Variants in ASPH observed in about 807,000 individuals in gnomAD.
The protein encoded by ASPH is aspartyl/asparaginyl beta-hydroxylase.
ASPH carries 100 observed loss-of-function variants against 118.4 expected under a neutral mutation model. That is an observed-to-expected ratio of 0.84 (90% CI 0.72 to 1.00). The LOEUF (loss-of-function observed/expected upper bound fraction) is 1.00. Among genes scored for constraint, ASPH ranks in the 50% least tolerant of loss-of-function variants. The pLI is 0.00. For synonymous variants in ASPH, 315 were observed against 325.6 expected (o/e 0.97, Z 0.35); for missense variants, 920 against 919.5 (o/e 1.00, Z -0.01).
chr8:61,641,354 GA>G (rs1805041870), intron 10 of ASPH, among the ~76,000 whole-genome samples: 1 of 152,042 alleles, frequency 6.6e-6, no homozygotes, highest in Non-Finnish European at 1.5e-5. Flanking sequence ...ATGATCAGTA[GA>G]AATGAGGAAA....
intron 24 of ASPH, among the ~76,000 whole-genome samples, chr8:61,514,639 G>T (rs903958030): frequency 4.6e-5 from 7 of 152,070 alleles, no homozygotes; most frequent in Non-Finnish European, 1.0e-4. Context: ...AACCTGGGAG[G>T]CAGAGCTTGC....
intron 14 of ASPH, among the ~76,000 whole-genome samples, chr8:61,613,568 C>A (rs1429662863): frequency 6.6e-6 from 1 of 152,122 alleles, no homozygotes; most frequent in Non-Finnish European, 1.5e-5. Flanking sequence ...AATAAAAAAT[C>A]TGTAAGCACA....
In ASPH at chr8:61,644,627, C is replaced by A; in HGVS notation, c.625G>T (p.Glu209Ter). The A allele has an allele frequency of 6.3e-7, 1 of 1,583,690 alleles. No homozygotes were observed. The highest frequency in any genetic ancestry group is 8.6e-7 in the Non-Finnish European group (1 of 1,165,360). The change falls in exon 7 of 25, where the codon GAG (glutamate) becomes TAG (stop). Residue 209 changes from glutamate (E) to a stop codon, truncating the protein, a stop_gained. Coordinates refer to ENST00000379454, the MANE Select transcript of ASPH (RefSeq NM_004318.4). LOFTEE classifies it high-confidence loss of function. ...LEPEVSHEETEHSYHVEETVS... is the reference protein window; with the variant it reads ...LEPEVSHEET ...GTCTCTTCCACGTGGTAACTATGCTCGGTTTCTGGAAAAAAAAAAATTAGA... is the reference window on the plus strand; with the variant it reads ...GTCTCTTCCACGTGGTAACTATGCTAGGTTTCTGGAAAAAAAAAAATTAGA...
At chr8:61,569,244 G>A (rs1832739812) in intron 16 of ASPH, among the ~76,000 whole-genome samples, 1 of 152,170 alleles carries the variant, frequency 6.6e-6, no homozygotes, top group Non-Finnish European at 1.5e-5. Context: ...ACTGGAGTCA[G>A]GAAGAGAGAG....
At chr8:61,649,498 T>C (rs189195151) in intron 5 of ASPH, among the ~76,000 whole-genome samples, 2 of 152,252 alleles carry the variant, frequency 1.3e-5, no homozygotes, top group African/African-American at 4.8e-5. Flanking sequence ...TGCAGCTATA[T>C]ATTTAAAAGT....
At chr8:61,594,963 A>G (rs1842129523) in intron 14 of ASPH, among the ~76,000 whole-genome samples, 1 of 152,120 alleles carries the variant, frequency 6.6e-6, no homozygotes, top group East Asian at 1.9e-4. Context: ...TCTATGTTTG[A>G]CCGATGTTTG....
chr8:61,516,603 A>G (rs181774911), intron 24 of ASPH, among the ~76,000 whole-genome samples: 4 of 152,326 alleles, frequency 2.6e-5, no homozygotes, highest in East Asian at 1.9e-4. Flanking sequence ...TGCTATGGAG[A>G]TAAGGGTAAT....
At chr8:61,579,203 G>C in intron 15 of ASPH, 1 of 1,613,236 alleles carries the variant, frequency 6.2e-7, no homozygotes, top group Non-Finnish European at 8.5e-7. Flanking sequence ...AAGGCCAGAG[G>C]GCTTCCCTGG....
chr8:61,535,085 C>T (rs1316637982), intron 21 of ASPH, among the ~76,000 whole-genome samples: 2 of 152,184 alleles, frequency 1.3e-5, no homozygotes, highest in African/African-American at 4.8e-5. Flanking sequence ...GACTACGGTC[C>T]ACCCTAATGG....
intron 10 of ASPH, among the ~76,000 whole-genome samples, chr8:61,638,739 C>G (rs1859054603): frequency 6.6e-6 from 1 of 152,162 alleles, no homozygotes; most frequent in African/African-American, 2.4e-5. Context: ...AACCTGGGGC[C>G]AAACACCTCT....
intron 14 of ASPH, among the ~76,000 whole-genome samples, chr8:61,611,263 A>T (rs1010583502): frequency 6.6e-6 from 1 of 152,210 alleles, no homozygotes; most frequent in African/African-American, 2.4e-5. Flanking sequence ...TGCTATATGG[A>T]CACAGCTTCT....
chr8:61,511,657 T>C lies in ASPH; in HGVS notation c.2126+5871A>G, dbSNP rs932774540. 3.9e-5 allele frequency among the ~76,000 whole-genome samples: 6 copies of C among 152,170 alleles called. No individual in the cohort carries two copies. In the East Asian group the frequency reaches 1.2e-3, roughly 29 times the overall value. ...TCACTCTTGTCACCCAGGCTGGAGT[T>C]CAATGGTGTGATCTCAGCTCACTGC... On this transcript the variant is annotated intron_variant, in intron 24 of 24. Transcript: ENST00000379454.
intron 22 of ASPH, among the ~76,000 whole-genome samples, chr8:61,524,946 A>G (rs1814691271): frequency 6.6e-6 from 1 of 152,182 alleles, no homozygotes; most frequent in Admixed American, 6.5e-5. Flanking sequence ...GTAAATTAGC[A>G]TATTGCCCAA....
intron 3 of ASPH, chr8:61,665,564 T>G: frequency 6.3e-7 from 1 of 1,594,934 alleles, no homozygotes; most frequent in South Asian, 1.1e-5. Flanking sequence ...TGACTCAGGT[T>G]TCTCTTTCTC....
rs1026293233 is a variant in ASPH at position 61,666,693 on chromosome 8, T to C, written c.323-13033A>G. Reference sequence around the variant, plus strand: ...AAAACACCACATAGGGTTTCTCCATTAACTGAATTTCCTGGTGATCAACCA... The same window carrying C: ...AAAACACCACATAGGGTTTCTCCATCAACTGAATTTCCTGGTGATCAACCA... On this transcript the variant is annotated intron_variant, in intron 3 of 24. Coordinates refer to ENST00000379454, the MANE Select transcript of ASPH (RefSeq NM_004318.4). Among the ~76,000 whole-genome samples the C allele has an allele frequency of 7.9e-5, 12 of 152,178 alleles. No homozygotes were observed. In the East Asian group the frequency reaches 2.3e-3, roughly 29 times the overall value.
intron 13 of ASPH, among the ~76,000 whole-genome samples, chr8:61,630,312 A>G (rs1237177846): frequency 1.3e-5 from 2 of 152,172 alleles, no homozygotes; most frequent in Non-Finnish European, 2.9e-5. Flanking sequence ...AATTTTAAAG[A>G]TTGAAAAATG....
Position 61,568,775 on chromosome 8 carries a change from A to G in ASPH, c.1150-1457T>C, listed in dbSNP as rs139686951. On this transcript the variant is annotated intron_variant, in intron 16 of 24. Coordinates refer to ENST00000379454, the MANE Select transcript of ASPH (RefSeq NM_004318.4). ...TTAGAGATCAGGATAACAAGGGAGG[A>G]GCAGCAAAAAGGAGGGAGCACCACA... Among the ~76,000 whole-genome samples the G allele has an allele frequency of 4.4e-3, 667 of 152,306 alleles. 9 individuals carry two copies. The highest frequency in any genetic ancestry group is 0.015 in the Admixed American group (224 of 15,300).
chr8:61,664,328 GAAAA>G (rs978820911), intron 3 of ASPH: 20 of 972,710 alleles, frequency 2.1e-5, no homozygotes, highest in East Asian at 2.3e-4. Flanking sequence ...CAAAATAATG[GAAAA>G]AAAGTGTGAT....
chr8:61,565,290 TTA>T, intron 17 of ASPH, among the ~76,000 whole-genome samples: 1 of 152,316 alleles, frequency 6.6e-6, no homozygotes, highest in African/African-American at 2.4e-5. Flanking sequence ...TAAATTTTTT[TTA>T]GAGTACCAGA....
Sources: allele counts gnomAD v4.1 joint callset (sites outside exome capture counted in the v4.1 genomes callset), GRCh38; gene constraint gnomAD v4.1.1; transcripts MANE v1.5; gene names NCBI Gene and HGNC (gene_info 2026-07-23, HGNC 2026-07-21).